The following ZC3H12B variants were observed in gnomAD, a reference collection of about 807,000 sequenced individuals.
ZC3H12B encodes the protein probable ribonuclease ZC3H12B.
Under a neutral mutation model 43.9 loss-of-function variants are expected in ZC3H12B, and 7 were observed. That is an observed-to-expected ratio of 0.16 (90% CI 0.09 to 0.30). The LOEUF (loss-of-function observed/expected upper bound fraction) is 0.30, where lower values mean the gene tolerates loss of function less well. Among genes scored for constraint, ZC3H12B ranks in the 10% least tolerant of loss-of-function variants. The probability of loss-of-function intolerance (pLI) is 1.00; values close to 1 mark genes in which losing one functional copy is unlikely to be tolerated. For synonymous variants in ZC3H12B, 222 were observed against 241.7 expected, an observed-to-expected ratio of 0.92 and a Z score of 0.76; for missense variants, 475 against 670.2, an observed-to-expected ratio of 0.71 and a Z score of 3.22.
At chrX:65,176,427 G>A in the ZC3H12B span, among the ~76,000 whole-genome samples, 2 of 111,591 alleles carry the variant, frequency 1.8e-5, no homozygotes, top group African/African-American at 6.5e-5. Context: ...CTAGAACAGA[G>A]CACCTGGGTG....
chrX:65,200,599 A>AT, the ZC3H12B span, among the ~76,000 whole-genome samples: 4 of 106,790 alleles, frequency 3.7e-5, no homozygotes, highest in African/African-American at 3.4e-5. Context: ...CACCAGGCTA[A>AT]TTTTTTTTGT....
At chrX:65,203,504 G>T in the ZC3H12B span, among the ~76,000 whole-genome samples, 1 of 110,368 alleles carries the variant, frequency 9.1e-6, no homozygotes, top group Non-Finnish European at 1.9e-5. Context: ...TTCTGGCCCA[G>T]AGTGGGTCTA....
the ZC3H12B span, among the ~76,000 whole-genome samples, chrX:65,223,946 C>T: frequency 1.0e-3 from 114 of 112,115 alleles, 2 homozygotes; most frequent in South Asian, 7.0e-3. Context: ...CAATCCCACT[C>T]CTGGGTATCG....
At chrX:65,234,324 A>C in the ZC3H12B span, among the ~76,000 whole-genome samples, 1 of 111,835 alleles carries the variant, frequency 8.9e-6, no homozygotes, top group Non-Finnish European at 1.9e-5. Flanking sequence ...CATGATAAAA[A>C]CTCTTTAAAG....
intron 3 of ZC3H12B, among the ~76,000 whole-genome samples, chrX:65,452,536 A>T (rs1384122962): frequency 9.0e-6 from 1 of 111,537 alleles, no homozygotes; most frequent in Non-Finnish European, 1.9e-5. Flanking sequence ...CATAGATGAC[A>T]CAAACAAATG....
the ZC3H12B span, among the ~76,000 whole-genome samples, chrX:65,076,077 T>C: frequency 1.8e-5 from 2 of 111,977 alleles, no homozygotes; most frequent in East Asian, 2.8e-4. Context: ...GTTTTCTGAC[T>C]TTATCTATTC....
chrX:65,491,020 C>T (rs1343393425), intron 1 of ZC3H12B, among the ~76,000 whole-genome samples: 2 of 110,870 alleles, frequency 1.8e-5, no homozygotes, highest in Non-Finnish European at 3.8e-5. Context: ...AGTATATAGT[C>T]CTGTTTAATC....
At chrX:65,305,754 G>A in the ZC3H12B span, among the ~76,000 whole-genome samples, 1 of 112,068 alleles carries the variant, frequency 8.9e-6, no homozygotes, top group Non-Finnish European at 1.9e-5. Flanking sequence ...TGTAGCTCAT[G>A]GTCAGTGGGT....
At chrX:65,211,613 A>T in the ZC3H12B span, among the ~76,000 whole-genome samples, 1 of 96,888 alleles carries the variant, frequency 1.0e-5, no homozygotes. Flanking sequence ...CCAAACACAG[A>T]TTGGCCTAAC....
At chrX:65,044,224 G>A in the ZC3H12B span, among the ~76,000 whole-genome samples, 4 of 111,862 alleles carry the variant, frequency 3.6e-5, no homozygotes, top group East Asian at 1.1e-3. Flanking sequence ...TGAAGCAAGG[G>A]CGTAGGACAT....
chrX:65,354,940 C>A, the ZC3H12B span, among the ~76,000 whole-genome samples: 1 of 111,702 alleles, frequency 9.0e-6, no homozygotes, highest in Non-Finnish European at 1.9e-5. Context: ...TGAACAAAGC[C>A]TCCAAGAAAT....
At chrX:65,308,610 C>A in the ZC3H12B span, among the ~76,000 whole-genome samples, 1 of 111,524 alleles carries the variant, frequency 9.0e-6, no homozygotes, top group South Asian at 3.8e-4. Context: ...ATATCCAGGA[C>A]TTGAACTCAG....
chrX:65,218,809 C>T, the ZC3H12B span, among the ~76,000 whole-genome samples: 1 of 111,545 alleles, frequency 9.0e-6, no homozygotes, highest in African/African-American at 3.3e-5. Context: ...TCTTTCTATA[C>T]TACTGCAGCT....
At chrX:65,104,707 A>G in the ZC3H12B span, among the ~76,000 whole-genome samples, 1 of 112,049 alleles carries the variant, frequency 8.9e-6, no homozygotes, top group Admixed American at 9.5e-5. Context: ...AAAAGGAGAT[A>G]CCATCTCACA....
the ZC3H12B span, among the ~76,000 whole-genome samples, chrX:65,152,587 A>T: frequency 2.7e-5 from 3 of 111,451 alleles, no homozygotes; most frequent in Admixed American, 9.6e-5. Flanking sequence ...ATAAAAGAGG[A>T]TACAAACAAA....
At chrX:65,265,798 AAAT>A in the ZC3H12B span, among the ~76,000 whole-genome samples, 1 of 112,047 alleles carries the variant, frequency 8.9e-6, no homozygotes, top group Non-Finnish European at 1.9e-5. Flanking sequence ...TTGTTGACAT[AAAT>A]AATAAGAAAA....
chrX:65,179,038 G>C, the ZC3H12B span, among the ~76,000 whole-genome samples: 1 of 112,010 alleles, frequency 8.9e-6, no homozygotes, highest in Non-Finnish European at 1.9e-5. Context: ...ACTGGATAAA[G>C]AAAATATGGT....
chrX:65,332,645 G>A, the ZC3H12B span, among the ~76,000 whole-genome samples: 2 of 111,420 alleles, frequency 1.8e-5, no homozygotes, highest in Non-Finnish European at 3.8e-5. Flanking sequence ...GATGCAGCCA[G>A]AGATGACTGG....
chrX:65,408,254 C>T, intron 3 of ZC3H12B: 2 of 1,166,283 alleles, frequency 1.7e-6, no homozygotes, highest in South Asian at 3.6e-5. Flanking sequence ...GACAGAAATG[C>T]AGAGGCACTA....
Sources: allele counts gnomAD v4.1 joint callset (sites outside exome capture counted in the v4.1 genomes callset), GRCh38; gene constraint gnomAD v4.1.1; transcripts MANE v1.5; gene names NCBI Gene and HGNC (gene_info 2026-07-23, HGNC 2026-07-21).